Variants in PACSIN1 observed in about 807,000 individuals in gnomAD.
PACSIN1 encodes protein kinase C and casein kinase substrate in neurons 1, also known as protein kinase C and casein kinase substrate in neurons protein 1.
In PACSIN1, 15 loss-of-function variants were observed where a neutral mutation model predicts 59.5. The ratio of observed to expected loss-of-function variants is 0.25; its 90% CI spans 0.17 to 0.39. PACSIN1 has a LOEUF of 0.39. PACSIN1 is among the 10% of genes least tolerant of loss of function. The pLI is 1.00. For synonymous variants in PACSIN1, 210 were observed against 220.6 expected (o/e 0.95, Z 0.42); for missense variants, 420 against 580.2 (o/e 0.72, Z 2.84).
intron 1 of PACSIN1, among the ~76,000 whole-genome samples, chr6:34,497,770 G>T (rs1182278322): frequency 1.3e-5 from 2 of 152,184 alleles, no homozygotes; most frequent in South Asian, 2.1e-4. Flanking sequence ...ATGGCATGGT[G>T]CTGGGAGGCC....
intron 1 of PACSIN1, among the ~76,000 whole-genome samples, chr6:34,491,146 C>T (rs1766870728): frequency 1.3e-5 from 2 of 152,142 alleles, no homozygotes; most frequent in Admixed American, 1.3e-4. Flanking sequence ...CGCTCCTCAG[C>T]TTTTTCCTCT....
At chr6:34,491,804 G>C (rs897325662) in intron 1 of PACSIN1, among the ~76,000 whole-genome samples, 1 of 151,926 alleles carries the variant, frequency 6.6e-6, no homozygotes, top group African/African-American at 2.4e-5. Flanking sequence ...TAGAGACGGG[G>C]TTTCACCATG....
At chr6:34,478,317 C>T (rs1267669791) in intron 1 of PACSIN1, among the ~76,000 whole-genome samples, 1 of 150,974 alleles carries the variant, frequency 6.6e-6, no homozygotes, top group Non-Finnish European at 1.5e-5. Context: ...CCTCGGCCTC[C>T]CAAAGTGCTG....
At chr6:34,526,630 C>T (rs571065191) in intron 2 of PACSIN1, among the ~76,000 whole-genome samples, 1 of 152,364 alleles carries the variant, frequency 6.6e-6, no homozygotes, top group South Asian at 2.1e-4. Flanking sequence ...CCCTTTGTGA[C>T]TCTGTGGCAC....
rs1318409160 is a variant in PACSIN1 at position 34,534,555 on chromosome 6, T to C, written c.*2025T>C. 3 of 152,700 alleles carry C rather than the reference T, an allele frequency of 2.0e-5. No individual in the cohort carries two copies. The highest frequency in any genetic ancestry group is 4.4e-5 in the Non-Finnish European group (3 of 68,074). The allele number at this position is 152,700 out of a possible 1,614,324, so 9.5% of individuals were successfully genotyped here. A position where few individuals can be genotyped will look rare whatever the true frequency, so the allele number is the denominator to read the frequency against. The stretch of plus-strand genomic sequence containing the variant: ...CGCTTACCTTGGAAAGGTGGGAAGC[T>C]GGCAATCTGCACCTTGGGGCCTGGG... On this transcript the variant is annotated 3_prime_UTR_variant, in exon 10 of 10. Coordinates refer to ENST00000244458, the MANE Select transcript of PACSIN1 (RefSeq NM_020804.5).
At position 34,529,946 on chromosome 6, in the gene PACSIN1, C is replaced by A; in HGVS notation, c.788+105C>A. On this transcript the variant is annotated intron_variant, in intron 6 of 9. Transcript: ENST00000244458. The surrounding 1 kb of genome is among the most constrained non-coding windows in gnomAD (Gnocchi z 6.3). Reference sequence around the variant, plus strand: ...CCATCACAGTGACGGGAAGGGGAGGCAGAGCTGCAGGGGTCAAGAAGGATG... The same window carrying A: ...CCATCACAGTGACGGGAAGGGGAGGAAGAGCTGCAGGGGTCAAGAAGGATG... 2 of 1,281,376 alleles carry A rather than the reference C, an allele frequency of 1.6e-6. No individual in the cohort carries two copies. Among genetic ancestry groups the A allele is most frequent in the South Asian group, 1.4e-5 (1 of 71,182 alleles). 79.4% of individuals were successfully genotyped at this position (1,281,376 alleles called of 1,614,324 possible). A position where few individuals can be genotyped will look rare whatever the true frequency, so the allele number is the denominator to read the frequency against.
At chr6:34,513,909 C>G (rs1309373544) in intron 1 of PACSIN1, among the ~76,000 whole-genome samples, 2 of 152,194 alleles carry the variant, frequency 1.3e-5, no homozygotes, top group Non-Finnish European at 2.9e-5. Flanking sequence ...ACTCCCATCC[C>G]TGAACCCTGC....
intron 1 of PACSIN1, among the ~76,000 whole-genome samples, chr6:34,510,625 C>T (rs1767186839): frequency 6.6e-6 from 1 of 152,224 alleles, no homozygotes; most frequent in African/African-American, 2.4e-5. Flanking sequence ...CCCTTTCTCC[C>T]TCTTTTTAGA....
chr6:34,500,159 C>T (rs1371434864), intron 1 of PACSIN1, among the ~76,000 whole-genome samples: 1 of 152,152 alleles, frequency 6.6e-6, no homozygotes, highest in Non-Finnish European at 1.5e-5. Flanking sequence ...AGATGTTCAA[C>T]ATCTCTGATC....
intron 1 of PACSIN1, among the ~76,000 whole-genome samples, chr6:34,502,984 C>T (rs1345969159): frequency 6.6e-6 from 1 of 152,164 alleles, no homozygotes; most frequent in Non-Finnish European, 1.5e-5. Flanking sequence ...TACAAACCTC[C>T]CGTTGGTCCC....
chr6:34,474,208 A>G (rs1766607445), intron 1 of PACSIN1, among the ~76,000 whole-genome samples: 1 of 151,930 alleles, frequency 6.6e-6, no homozygotes, highest in Non-Finnish European at 1.5e-5. Flanking sequence ...CCTCTCTGTA[A>G]ATTGGGAGTT....
rs145716245 is a variant in PACSIN1 at position 34,472,635 on chromosome 6, G to A, written c.-64+6365G>A. Among the ~76,000 whole-genome samples, 22 of 152,184 alleles carry A rather than the reference G, an allele frequency of 1.4e-4. No individual in the cohort carries two copies. The East Asian group carries it at 3.3e-3, about 23-fold the overall frequency. On this transcript the variant is annotated intron_variant, in intron 1 of 9. Transcript: ENST00000244458. ...TGGCATGTGAGTCACATGCTGCCACGTGTGTTTGGAGAGTTTTTATCTGTG... is the reference window on the plus strand; with the variant it reads ...TGGCATGTGAGTCACATGCTGCCACATGTGTTTGGAGAGTTTTTATCTGTG...
At position 34,518,036 on chromosome 6, in the gene PACSIN1, T is replaced by C. The variant is rs1465731231; in HGVS notation, c.-63-8207T>C. 1.3e-5 allele frequency among the ~76,000 whole-genome samples: 2 copies of C among 152,166 alleles called. No individual in the cohort carries two copies. Among genetic ancestry groups the C allele is most frequent in the Admixed American group, 6.5e-5 (1 of 15,284 alleles). On this transcript the variant is annotated intron_variant, in intron 1 of 9. Coordinates refer to ENST00000244458, the MANE Select transcript of PACSIN1 (RefSeq NM_020804.5). The surrounding 1 kb of genome is among the most constrained non-coding windows in gnomAD (Gnocchi z 4.4). Reference sequence around the variant, plus strand: ...AGATGATGCCCACCTACCTGAGCCATTGCCTCAGGGACATTGGGTTGGACA... The same window carrying C: ...AGATGATGCCCACCTACCTGAGCCACTGCCTCAGGGACATTGGGTTGGACA...
In PACSIN1 at chr6:34,497,227, G is replaced by A. The variant is rs1035869619; in HGVS notation, c.-63-29016G>A. 5.9e-5 allele frequency among the ~76,000 whole-genome samples: 9 copies of A among 152,134 alleles called. No homozygotes were observed. The South Asian group carries it at 1.5e-3, about 25-fold the overall frequency. ...AGCCTCCCAAAGTGCTGGGATTACC[G>A]GCTGAGCCCCGCGCCCAGCCAATGG... On this transcript the variant is annotated intron_variant, in intron 1 of 9. Transcript: ENST00000244458.
At position 34,529,206 on chromosome 6, in the gene PACSIN1, A is replaced by G. The variant is rs1243168351; in HGVS notation, c.457-191A>G. Among the ~76,000 whole-genome samples the G allele has an allele frequency of 2.0e-5, 3 of 152,024 alleles. No individual in the cohort carries two copies. The highest frequency in any genetic ancestry group is 7.2e-5 in the African/African-American group (3 of 41,410). On this transcript the variant is annotated intron_variant, in intron 4 of 9. Coordinates refer to ENST00000244458, the MANE Select transcript of PACSIN1 (RefSeq NM_020804.5). The surrounding 1 kb of genome is among the most constrained non-coding windows in gnomAD (Gnocchi z 6.3). ...TATCTGCAGGGGAGCAGGCAGTGCC[A>G]AGCAGAGACGCAGCCACAAATGGAG...
Position 34,529,276 on chromosome 6 carries a change from T to C in PACSIN1, c.457-121T>C. The C allele has an allele frequency of 1.9e-6, 2 of 1,056,768 alleles. No individual in the cohort carries two copies. Among genetic ancestry groups the C allele is most frequent in the Non-Finnish European group, 2.8e-6 (2 of 725,682 alleles). 65.5% of individuals were successfully genotyped at this position (1,056,768 alleles called of 1,614,324 possible). Reference sequence around the variant, plus strand: ...CTGGAGCCAGGGCCTGCATCCCTTCTGGCTCTTAAGAGTGTGGGCTCACAG... The same window carrying C: ...CTGGAGCCAGGGCCTGCATCCCTTCCGGCTCTTAAGAGTGTGGGCTCACAG... On this transcript the variant is annotated intron_variant, in intron 4 of 9. Coordinates refer to ENST00000244458, the MANE Select transcript of PACSIN1 (RefSeq NM_020804.5). This position sits in a 1 kb window ranked among gnomAD's most constrained non-coding sequence, Gnocchi z 6.3.
At chr6:34,528,380 T>C (rs562110398) in intron 3 of PACSIN1, among the ~76,000 whole-genome samples, 4 of 152,070 alleles carry the variant, frequency 2.6e-5, no homozygotes, top group Admixed American at 6.5e-5. Context: ...ACAAGAGAGA[T>C]AAGGAGGAGG....
intron 1 of PACSIN1, among the ~76,000 whole-genome samples, chr6:34,497,773 G>A (rs901690109): frequency 1.3e-5 from 2 of 152,156 alleles, no homozygotes; most frequent in Non-Finnish European, 2.9e-5. Flanking sequence ...GCATGGTGCT[G>A]GGAGGCCCAT....
At chr6:34,492,872 C>T (rs1306909035) in intron 1 of PACSIN1, among the ~76,000 whole-genome samples, 1 of 152,170 alleles carries the variant, frequency 6.6e-6, no homozygotes, top group African/African-American at 2.4e-5. Context: ...ATGCTCACTA[C>T]CTGGGTGCAA....
Sources: gnomAD v4.1 joint callset for allele counts (sites outside exome capture counted in the v4.1 genomes callset) on GRCh38, gnomAD v4.1.1 for gene constraint, Gnocchi (gnomAD v3.1) non-coding constraint, MANE v1.5 for transcripts, NCBI Gene and HGNC (gene_info 2026-07-23, HGNC 2026-07-21) for gene names.